ARHGAP21: variants seen among roughly 807,000 people sequenced by gnomAD.
ARHGAP21 encodes the protein rho GTPase-activating protein 21.
A neutral mutation model predicts 164.6 loss-of-function variants in ARHGAP21; 38 were observed. That is an observed-to-expected ratio of 0.23 (90% CI 0.18 to 0.30). The LOEUF (loss-of-function observed/expected upper bound fraction) is 0.30, where lower values mean the gene tolerates loss of function less well. ARHGAP21 is among the 10% of genes least tolerant of loss of function. The pLI is 1.00. For missense variants in ARHGAP21, 1,822 were observed against 2,370.7 expected (o/e 0.77, Z 4.81); for synonymous variants, 766 against 857.9 (o/e 0.89, Z 1.87).
intron 7 of ARHGAP21, among the ~76,000 whole-genome samples, chr10:24,628,578 G>A (rs1246884818): frequency 6.6e-6 from 1 of 151,422 alleles, no homozygotes; most frequent in Non-Finnish European, 1.5e-5. Flanking sequence ...TTAGCTATAG[G>A]TAATAAGAAA....
At chr10:24,600,508 T>G (rs573154285) in intron 14 of ARHGAP21, 138 bp downstream of exon 14, 2 of 1,106,068 alleles carry the variant, frequency 1.8e-6, no homozygotes, top group East Asian at 5.3e-5. Flanking sequence ...TGTTTGAGTT[T>G]TCCTTTTCAT....
Position 24,595,737 on chromosome 10 carries a change from G to A in ARHGAP21, c.3692C>T (p.Pro1231Leu). ...CTCACCATTTGTGAAGAGAGGCTCA[G>A]GGAGTTTTCTGAAGAAGGATTTTAG... ...SLLKSFFRKL[P>L]EPLFTNDKYA... Residue 1231 changes from proline (P) to leucine (L), a missense_variant, in exon 19 of 26, where the codon CCT becomes CTT. Physicochemically the swap from Pro to Leu is moderately conservative, Grantham distance 98 (BLOSUM62 -3). This residue lies in a region of ARHGAP21 where 117 missense variants were observed against 238.1 expected (regional missense o/e 0.49). Coordinates refer to ENST00000396432, the MANE Select transcript of ARHGAP21 (RefSeq NM_020824.4). 6.2e-7 allele frequency: 1 copy of A among 1,613,340 alleles called. No individual in the cohort carries two copies. The highest frequency in any genetic ancestry group is 8.5e-7 in the Non-Finnish European group (1 of 1,179,688).
chr10:24,660,309 AT>A (rs146936041), intron 4 of ARHGAP21, among the ~76,000 whole-genome samples: 36,119 of 145,976 alleles, frequency 0.25, 4,508 homozygotes, highest in South Asian at 0.35. Flanking sequence ...ACTTGAGCTC[AT>A]GAATTTGAGG....
intron 25 of ARHGAP21, among the ~76,000 whole-genome samples, chr10:24,587,705 G>C (rs999279583): frequency 6.6e-6 from 1 of 152,154 alleles, no homozygotes; most frequent in African/African-American, 2.4e-5. Flanking sequence ...TGCTGGGTAC[G>C]AGCAAGGGAT....
At position 24,600,760 on chromosome 10, in the gene ARHGAP21, T is replaced by C. The variant is rs2076781740; in HGVS notation, c.3018A>G (p.Lys1006=). ...CGGACGTGGTGAGTCGAAACACATT[T>C]TTCCTCTTGGTCTCACTGTAAGAGA... ...IDISYSETKR[K]NVFRLTTSDC... The change falls in exon 14 of 26, where the codon AAA becomes AAG. Residue 1006 remains lysine (K), a synonymous_variant. Coordinates refer to ENST00000396432, the MANE Select transcript of ARHGAP21 (RefSeq NM_020824.4). 2 of 1,614,008 alleles carry C rather than the reference T, an allele frequency of 1.2e-6. No homozygotes were observed. The highest frequency in any genetic ancestry group is 1.3e-5 in the African/African-American group (1 of 75,038).
intron 8 of ARHGAP21, among the ~76,000 whole-genome samples, chr10:24,622,371 G>C (rs2131208625): frequency 6.8e-6 from 1 of 147,504 alleles, no homozygotes; most frequent in Admixed American, 6.9e-5. Flanking sequence ...CAAAGCTCAA[G>C]TGCAGCCACA....
intron 7 of ARHGAP21, among the ~76,000 whole-genome samples, chr10:24,627,120 G>A (rs1409265310): frequency 6.6e-6 from 1 of 152,056 alleles, no homozygotes; most frequent in East Asian, 1.9e-4. Flanking sequence ...AAATAATTTG[G>A]TCTGTATATC....
At chr10:24,689,154 T>C (rs374942425) in intron 2 of ARHGAP21, among the ~76,000 whole-genome samples, 5 of 152,302 alleles carry the variant, frequency 3.3e-5, no homozygotes, top group African/African-American at 1.2e-4. Context: ...TCATAGCTAA[T>C]TAGTGACACA....
chr10:24,647,272 T>C (rs945709242), intron 4 of ARHGAP21, among the ~76,000 whole-genome samples: 1 of 152,218 alleles, frequency 6.6e-6, no homozygotes, highest in African/African-American at 2.4e-5. Context: ...TGAAGTAAAA[T>C]ATTTTTTTTA....
intron 4 of ARHGAP21, among the ~76,000 whole-genome samples, chr10:24,641,390 T>G (rs1364112530): frequency 6.6e-6 from 1 of 152,148 alleles, no homozygotes; most frequent in East Asian, 1.9e-4. Flanking sequence ...ATGCTCTCAC[T>G]TGCAGGTGAC....
At position 24,585,013 on chromosome 10, in the gene ARHGAP21, G is replaced by C. The variant is rs1409209398; in HGVS notation, c.5276C>G (p.Pro1759Arg). The C allele has an allele frequency of 6.2e-7, 1 of 1,613,748 alleles. No individual in the cohort carries two copies. ...ATCTGCTATTTTCGTTTTCCATGTG[G>C]GTTCCTGTTTTTCGGATTCGCCTCT... is the stretch of plus-strand genomic sequence containing the variant. The part of the protein sequence containing the change: ...PTRGESEKQE[P>R]TWKTKIADRL... The change falls in exon 26 of 26, where the codon CCC becomes CGC. Residue 1759 changes from proline to arginine, a missense_variant. Around this residue, in one of 5 missense-constraint regions of ARHGAP21, gnomAD observed 117 missense variants for 193.2 expected, o/e 0.61. Coordinates refer to ENST00000396432, the MANE Select transcript of ARHGAP21 (RefSeq NM_020824.4).
rs1381409312 is a variant in ARHGAP21 at position 24,655,823 on chromosome 10, G to A, written c.268+11162C>T. On this transcript the variant is annotated intron_variant, in intron 4 of 25. Transcript: ENST00000396432. ...TAGGAAGTGAGGAGCGTCTCTGCCC[G>A]GCCGCCCATCGTCTGAGATGTGGGG... 2.3e-3 allele frequency among the ~76,000 whole-genome samples: 314 copies of A among 136,420 alleles called. 4 individuals carry two copies. Among genetic ancestry groups the A allele is most frequent in the Non-Finnish European group, 2.9e-3 (186 of 63,084 alleles). The allele number at this position is 136,420 out of a possible 152,430, so 89.5% of individuals were successfully genotyped here.
At chr10:24,665,313 A>T (rs1468103006) in intron 4 of ARHGAP21, among the ~76,000 whole-genome samples, 9 of 152,160 alleles carry the variant, frequency 5.9e-5, no homozygotes, top group Admixed American at 5.9e-4. Context: ...AGTGCAAAAA[A>T]AAAAAAGGCC....
At chr10:24,606,363 A>G (rs1438417890) in intron 11 of ARHGAP21, among the ~76,000 whole-genome samples, 1 of 152,222 alleles carries the variant, frequency 6.6e-6, no homozygotes, top group Non-Finnish European at 1.5e-5. Context: ...CATAGAAAAT[A>G]GTCAAAAAAT....
chr10:24,620,998 T>C lies in ARHGAP21; in HGVS notation c.897A>G (p.Glu299=), dbSNP rs771001294. Residue 299 remains glutamate, a synonymous_variant, in exon 9 of 26, where the codon GAA becomes GAG. Coordinates refer to ENST00000396432, the MANE Select transcript of ARHGAP21 (RefSeq NM_020824.4). ...GCTCACTCACGCCATACCTCACTTC[T>C]TCAGTTCTATGTGAAGGACCTGTAT... ...NNHTGPSHRT[E]EVRYGVSEQT... is the part of the protein sequence containing the mutation. 7 of 1,613,918 alleles carry C rather than the reference T, an allele frequency of 4.3e-6. No homozygotes were observed. The African/African-American group carries it at 9.3e-5, about 22-fold the overall frequency.
chr10:24,640,681 T>C (rs906172154), intron 4 of ARHGAP21, among the ~76,000 whole-genome samples: 3 of 151,982 alleles, frequency 2.0e-5, no homozygotes, highest in African/African-American at 7.2e-5. Flanking sequence ...ATTTTTCAGA[T>C]AAAAAATAAC....
intron 2 of ARHGAP21, among the ~76,000 whole-genome samples, chr10:24,703,114 C>T (rs1385108276): frequency 6.6e-6 from 1 of 151,856 alleles, no homozygotes; most frequent in African/African-American, 2.4e-5. Flanking sequence ...ACTTGTAAAA[C>T]CCACACACAA....
intron 19 of ARHGAP21, 105 bp downstream of exon 19, chr10:24,595,605 CTCCTGCT>C: frequency 9.5e-7 from 1 of 1,056,042 alleles, no homozygotes; most frequent in Non-Finnish European, 1.4e-6. Context: ...TAAATAAAGC[CTCCTGCT>C]TCCTTTGACC....
At chr10:24,589,099 C>A (rs1029931681) in intron 25 of ARHGAP21, among the ~76,000 whole-genome samples, 172 bp downstream of exon 25, 1 of 152,082 alleles carries the variant, frequency 6.6e-6, no homozygotes. Context: ...TATTCCAACT[C>A]AAAATCTAGT....
Sources: gnomAD v4.1 joint callset for allele counts (sites outside exome capture counted in the v4.1 genomes callset) on GRCh38, gnomAD v4.1.1 for gene constraint, gnomAD v4.1.1 regional missense constraint, MANE v1.5 for transcripts, NCBI Gene and HGNC (gene_info 2026-07-23, HGNC 2026-07-21) for gene names.